MYO9A: variants seen among roughly 807,000 people sequenced by gnomAD.
MYO9A encodes the protein unconventional myosin-IXa.
Under a neutral mutation model 293.3 loss-of-function variants are expected in MYO9A, and 103 were observed. The observed-to-expected ratio is 0.35, with a 90% confidence interval of 0.30 to 0.41. MYO9A has a LOEUF of 0.41. Among genes scored for constraint, MYO9A ranks in the 10% least tolerant of loss-of-function variants. The pLI, the probability that MYO9A is intolerant of heterozygous loss-of-function variation, is 1.00. For synonymous variants in MYO9A, 1,001 were observed against 1,035.7 expected (o/e 0.97, Z 0.64); for missense variants, 2,685 against 3,033.0 (o/e 0.89, Z 2.69).
chr15:72,051,269 C>A (rs1373409591), intron 1 of MYO9A, among the ~76,000 whole-genome samples: 4 of 152,186 alleles, frequency 2.6e-5, no homozygotes, highest in Non-Finnish European at 4.4e-5. Flanking sequence ...ATACCAGCTG[C>A]AGTGGGGGAG....
At chr15:71,911,530 C>T (rs983743904) in intron 19 of MYO9A, among the ~76,000 whole-genome samples, 14 of 152,196 alleles carry the variant, frequency 9.2e-5, no homozygotes, top group African/African-American at 2.9e-4. Flanking sequence ...GATCCCTAGG[C>T]AGCTGAGTAT....
chr15:71,977,033 T>C (rs576304139), intron 12 of MYO9A, among the ~76,000 whole-genome samples: 4 of 152,356 alleles, frequency 2.6e-5, no homozygotes, highest in Admixed American at 2.6e-4. Flanking sequence ...AGATTTGCCA[T>C]CTCTTAGGAT....
intron 27 of MYO9A, 71 bp from the exon 28 acceptor site, chr15:71,883,807 T>A: frequency 7.5e-7 from 1 of 1,339,206 alleles, no homozygotes; most frequent in Non-Finnish European, 1.0e-6. Flanking sequence ...TATATCACTT[T>A]AAGCTTTACA....
intron 13 of MYO9A, among the ~76,000 whole-genome samples, chr15:71,964,929 T>A (rs1393147890): frequency 1.3e-5 from 2 of 151,736 alleles, no homozygotes; most frequent in Non-Finnish European, 2.9e-5. Context: ...CACTCCAGCC[T>A]GGGTGATAAA....
At chr15:71,879,700 T>C (rs748324495) in intron 30 of MYO9A, 21 bp downstream of exon 30, 2 of 1,530,360 alleles carry the variant, frequency 1.3e-6, no homozygotes, top group Non-Finnish European at 1.8e-6. Context: ...ACTAAATATC[T>C]CCTAACATAG....
intron 2 of MYO9A, among the ~76,000 whole-genome samples, chr15:72,034,452 T>C (rs1455877852): frequency 6.6e-6 from 1 of 152,212 alleles, no homozygotes; most frequent in Non-Finnish European, 1.5e-5. Flanking sequence ...GAAATGTCCC[T>C]CATGAATGTT....
intron 1 of MYO9A, among the ~76,000 whole-genome samples, chr15:72,056,683 G>A (rs2078728268): frequency 1.3e-5 from 2 of 152,178 alleles, no homozygotes; most frequent in Non-Finnish European, 2.9e-5. Flanking sequence ...CACCACTAAA[G>A]AACTTACTCA....
rs28515972 is a variant in MYO9A at position 71,852,048 on chromosome 15, A to G, written c.6475+84T>C. On this transcript the variant is annotated intron_variant, in intron 36 of 41. Transcript: ENST00000356056. ...GAATCTATAAGAATTAAACCACTAGAGGATGGCTTGATAATCTATACTCAA... is the reference window on the plus strand; with the variant it reads ...GAATCTATAAGAATTAAACCACTAGGGGATGGCTTGATAATCTATACTCAA... 7.9e-4 allele frequency: 1,098 copies of G among 1,398,452 alleles called. 7 individuals carry two copies. The African/African-American group carries it at 0.014, about 18-fold the overall frequency. The allele number at this position is 1,398,452 out of a possible 1,614,324, so 86.6% of individuals were successfully genotyped here. A position where few individuals can be genotyped will look rare whatever the true frequency, so the allele number is the denominator to read the frequency against.
intron 11 of MYO9A, among the ~76,000 whole-genome samples, chr15:71,978,694 T>C (rs918962635): frequency 1.3e-5 from 2 of 151,980 alleles, no homozygotes; most frequent in Admixed American, 6.6e-5. Flanking sequence ...AAACAATTTC[T>C]GGGAAAAGTG....
chr15:71,908,755 T>C (rs1408950145), intron 19 of MYO9A, among the ~76,000 whole-genome samples: 1 of 152,198 alleles, frequency 6.6e-6, no homozygotes, highest in African/African-American at 2.4e-5. Context: ...GAACCAATAC[T>C]GACATGATTA....
intron 33 of MYO9A, among the ~76,000 whole-genome samples, chr15:71,860,545 C>A (rs983369628): frequency 6.6e-6 from 1 of 152,032 alleles, no homozygotes; most frequent in Non-Finnish European, 1.5e-5. Context: ...ACCTGAATAT[C>A]CTTTCTTGAG....
intron 3 of MYO9A, among the ~76,000 whole-genome samples, chr15:72,029,938 C>T (rs2077810750): frequency 6.6e-6 from 1 of 152,162 alleles, no homozygotes; most frequent in South Asian, 2.1e-4. Flanking sequence ...ATGCTATATA[C>T]TTCAGTCACT....
At chr15:71,994,800 T>C (rs774396587) in intron 9 of MYO9A, among the ~76,000 whole-genome samples, 6 of 152,262 alleles carry the variant, frequency 3.9e-5, no homozygotes, top group Admixed American at 2.6e-4. Context: ...TGGTGCAATC[T>C]CGGCTCATGG....
rs2054378574 is a variant in MYO9A at position 71,824,240 on chromosome 15, TC to T, written c.*2339del. 2 of 152,116 alleles carry T rather than the reference TC, an allele frequency of 1.3e-5. No homozygotes were observed. Among genetic ancestry groups the T allele is most frequent in the Non-Finnish European group, 2.9e-5 (2 of 68,020 alleles). 9.4% of individuals were successfully genotyped at this position (152,116 alleles called of 1,614,324 possible). ...ATTTTATCCAAACTGGAGTTTCAGGTCCCTGAGAAAAATTATAAAGTCTCTT... is the reference window on the plus strand; with the variant it reads ...ATTTTATCCAAACTGGAGTTTCAGGTCCTGAGAAAAATTATAAAGTCTCTT... On this transcript the variant is annotated 3_prime_UTR_variant, in exon 42 of 42. Transcript: ENST00000356056.
chr15:71,843,891 AC>A (rs2055275072), intron 39 of MYO9A, among the ~76,000 whole-genome samples: 1 of 152,174 alleles, frequency 6.6e-6, no homozygotes. Context: ...GATATAAAGC[AC>A]CAAAATTTAC....
intron 1 of MYO9A, among the ~76,000 whole-genome samples, chr15:72,052,974 C>G (rs1250383500): frequency 2.0e-5 from 3 of 152,174 alleles, no homozygotes; most frequent in African/African-American, 7.2e-5. Flanking sequence ...TGAAAAGTAT[C>G]ACCCCAAGAA....
chr15:72,086,945 TAGTAC>T (rs2079756154), intron 1 of MYO9A, among the ~76,000 whole-genome samples: 1 of 152,070 alleles, frequency 6.6e-6, no homozygotes, highest in African/African-American at 2.4e-5. Flanking sequence ...TTTGTATTTT[TAGTAC>T]AGACGGGATT....
Position 71,826,732 on chromosome 15 carries a change from T to G in MYO9A, c.7495A>C (p.Lys2499Gln). Reference sequence around the variant, plus strand: ...TTTTTCACATTCTTTAATTTTTGTTTGCCCTTTTCCGGGTTGAAGGTTCCT... The same window carrying G: ...TTTTTCACATTCTTTAATTTTTGTTGGCCCTTTTCCGGGTTGAAGGTTCCT... ...SRGTFNPEKGKQKLKNVKNSP... is the reference protein window; with the variant it reads ...SRGTFNPEKGQQKLKNVKNSP... Residue 2499 changes from lysine to glutamine, a missense_variant, in exon 42 of 42, where the codon AAA becomes CAA. Lys to Gln is a moderately conservative substitution (Grantham distance 53, BLOSUM62 1). Transcript: ENST00000356056. The G allele has an allele frequency of 6.2e-7, 1 of 1,614,166 alleles. No homozygotes were observed. Among genetic ancestry groups the G allele is most frequent in the Non-Finnish European group, 8.5e-7 (1 of 1,179,992 alleles).
intron 19 of MYO9A, among the ~76,000 whole-genome samples, chr15:71,914,832 G>C (rs1284117591): frequency 6.6e-6 from 1 of 152,064 alleles, no homozygotes; most frequent in African/African-American, 2.4e-5. Context: ...AGACACAATA[G>C]GATTGTGATT....
Sources: allele counts gnomAD v4.1 joint callset (sites outside exome capture counted in the v4.1 genomes callset), GRCh38; gene constraint gnomAD v4.1.1; transcripts MANE v1.5; gene names NCBI Gene and HGNC (gene_info 2026-07-23, HGNC 2026-07-21).